The following FAM78B variants were observed in gnomAD, a reference collection of about 807,000 sequenced individuals.
The protein encoded by FAM78B is family with sequence similarity 78 member B.
FAM78B carries 10 observed loss-of-function variants against 20.0 expected under a neutral mutation model. The observed-to-expected ratio is 0.50, with a 90% CI of 0.31 to 0.85. The LOEUF (loss-of-function observed/expected upper bound fraction) is 0.85. Ranked by LOEUF, FAM78B falls within the 40% of genes least tolerant of loss-of-function variation. FAM78B has a pLI of 0.05. For synonymous variants in FAM78B, 135 were observed against 132.8 expected, an observed-to-expected ratio of 1.02 and a Z score of -0.12; for missense variants, 283 against 345.0, an observed-to-expected ratio of 0.82 and a Z score of 1.42.
intron 1 of FAM78B, among the ~76,000 whole-genome samples, chr1:166,118,388 T>C (rs1434230607): frequency 5.3e-5 from 8 of 152,204 alleles, no homozygotes; most frequent in Non-Finnish European, 1.0e-4. Context: ...ATCTAATGTA[T>C]AGTTTCAGTT....
chr1:166,086,191 G>T (rs923216849), intron 1 of FAM78B, among the ~76,000 whole-genome samples: 3 of 151,574 alleles, frequency 2.0e-5, no homozygotes, highest in Admixed American at 2.0e-4. Context: ...CTGGCTCTCC[G>T]GTACCTTTGA....
At chr1:166,077,453 G>T (rs1652317677) in intron 1 of FAM78B, among the ~76,000 whole-genome samples, 1 of 151,550 alleles carries the variant, frequency 6.6e-6, no homozygotes, top group Non-Finnish European at 1.5e-5. Flanking sequence ...TGTAAAACAG[G>T]AAGAAAAATA....
chr1:166,116,957 G>C (rs1022198588), intron 1 of FAM78B, among the ~76,000 whole-genome samples: 6 of 152,226 alleles, frequency 3.9e-5, no homozygotes, highest in Admixed American at 6.5e-5. Flanking sequence ...TCTTGGCTAA[G>C]GGGTCACCAC....
chr1:166,068,070 A>C (rs560066087), downstream of FAM78B, among the ~76,000 whole-genome samples: 120 of 152,326 alleles, frequency 7.9e-4, no homozygotes, highest in African/African-American at 2.8e-3. Flanking sequence ...TGTAATGTAA[A>C]TTCTAATTAA....
At chr1:166,073,693 G>A (rs1652147085) in intron 1 of FAM78B, among the ~76,000 whole-genome samples, 1 of 152,098 alleles carries the variant, frequency 6.6e-6, no homozygotes, top group African/African-American at 2.4e-5. Flanking sequence ...CATTTAAGGG[G>A]ATTACTTTGA....
chr1:166,109,816 A>ATATATATGTGTGTG, intron 1 of FAM78B, among the ~76,000 whole-genome samples: 1 of 27,538 alleles, frequency 3.6e-5, no homozygotes, highest in African/African-American at 8.9e-5. Flanking sequence ...GTATATATGT[A>ATATATATGTGTGTG]TATATATATA....
chr1:166,131,822 C>T (rs539212806), intron 1 of FAM78B, among the ~76,000 whole-genome samples: 23 of 152,146 alleles, frequency 1.5e-4, no homozygotes, highest in African/African-American at 3.4e-4. Flanking sequence ...AAGACCCCAG[C>T]GGCAGGGCTG....
At chr1:166,126,808 T>A (rs943214350) in intron 1 of FAM78B, among the ~76,000 whole-genome samples, 1 of 152,224 alleles carries the variant, frequency 6.6e-6, no homozygotes, top group African/African-American at 2.4e-5. Context: ...GAATATTACA[T>A]ATCTTGTCCA....
intron 1 of FAM78B, among the ~76,000 whole-genome samples, chr1:166,148,378 G>A (rs1416835785): frequency 1.2e-4 from 19 of 152,190 alleles, no homozygotes; most frequent in Admixed American, 1.2e-3. Context: ...TAAGCATGAT[G>A]GTAGGCAGAG....
intron 1 of FAM78B, among the ~76,000 whole-genome samples, chr1:166,146,131 T>G (rs1655443403): frequency 6.6e-6 from 1 of 152,202 alleles, no homozygotes; most frequent in Non-Finnish European, 1.5e-5. Flanking sequence ...TAACATTGTT[T>G]GAAAGGTCCA....
chr1:166,069,844 A>ATGTT lies in FAM78B; in HGVS notation c.*393_*396dup. On this transcript the variant is annotated 3_prime_UTR_variant, in exon 2 of 2. Transcript: ENST00000354422. ...TCTGTCTTACGACCACCTGGTGTGG[A>ATGTT]TGTTTTCACTCCTACTTCTAATTGG... 1 of 355,524 alleles carries ATGTT rather than the reference A, an allele frequency of 2.8e-6. No homozygotes were observed. The highest frequency in any genetic ancestry group is 1.1e-4 in the South Asian group (1 of 8,854). 22.0% of individuals were successfully genotyped at this position (355,524 alleles called of 1,614,324 possible).
chr1:166,156,624 G>A (rs773368520), intron 1 of FAM78B, among the ~76,000 whole-genome samples: 1 of 152,068 alleles, frequency 6.6e-6, no homozygotes, highest in Non-Finnish European at 1.5e-5. Flanking sequence ...AATTATGAGA[G>A]GTCCCCTTAT....
chr1:166,102,420 A>G (rs1192501341), intron 1 of FAM78B, among the ~76,000 whole-genome samples: 1 of 152,224 alleles, frequency 6.6e-6, no homozygotes, highest in Non-Finnish European at 1.5e-5. Context: ...GGCAAATTGG[A>G]TAAAGAGTCA....
intron 1 of FAM78B, among the ~76,000 whole-genome samples, chr1:166,152,309 C>T (rs1041226507): frequency 4.6e-5 from 7 of 152,190 alleles, no homozygotes; most frequent in Non-Finnish European, 4.4e-5. Flanking sequence ...TAACCTTGCC[C>T]GGGCCTTTCA....
chr1:166,125,994 G>A (rs12144751), intron 1 of FAM78B, among the ~76,000 whole-genome samples: 8,048 of 152,068 alleles, frequency 0.053, 285 homozygotes, highest in Middle Eastern at 0.1. Context: ...ACCATGCCCA[G>A]CTAATTTTTG....
chr1:166,165,370 C>T (rs578077574), intron 1 of FAM78B, among the ~76,000 whole-genome samples: 1 of 152,274 alleles, frequency 6.6e-6, no homozygotes, highest in East Asian at 1.9e-4. Context: ...CAGAACTGGT[C>T]CAGGGGGCGC....
chr1:166,109,890 GTATATATATA>G (rs1200752162), intron 1 of FAM78B, among the ~76,000 whole-genome samples: 7 of 23,192 alleles, frequency 3.0e-4, no homozygotes, highest in Admixed American at 6.8e-4. Flanking sequence ...ATGTATATAT[GTATATATATA>G]TATATATATA....
At chr1:166,142,082 C>A (rs747556869) in intron 1 of FAM78B, among the ~76,000 whole-genome samples, 2 of 152,116 alleles carry the variant, frequency 1.3e-5, no homozygotes, top group Non-Finnish European at 2.9e-5. Flanking sequence ...AGGTGAGTGG[C>A]ATGGTGACCA....
intron 1 of FAM78B, among the ~76,000 whole-genome samples, chr1:166,125,684 A>G (rs1270457487): frequency 6.6e-6 from 1 of 152,208 alleles, no homozygotes; most frequent in African/African-American, 2.4e-5. Flanking sequence ...ATGGCACAGT[A>G]TCTGCATATA....
Sources: allele counts gnomAD v4.1 joint callset (sites outside exome capture counted in the v4.1 genomes callset), GRCh38; gene constraint gnomAD v4.1.1; transcripts MANE v1.5; gene names NCBI Gene and HGNC (gene_info 2026-07-23, HGNC 2026-07-21).